TMTC1: variants seen among roughly 807,000 people sequenced by gnomAD.
TMTC1 encodes protein O-mannosyl-transferase TMTC1.
A neutral mutation model predicts 104.8 loss-of-function variants in TMTC1; 73 were observed. The observed-to-expected ratio is 0.70, with a 90% CI of 0.58 to 0.85. TMTC1 has a LOEUF of 0.85. TMTC1 is among the 40% of genes least tolerant of loss of function. The pLI is 0.00. For missense variants in TMTC1, 1,035 were observed against 1,096.1 expected (o/e 0.94, Z 0.79); for synonymous variants, 434 against 428.7 (o/e 1.01, Z -0.15).
At chr12:29,556,013 T>C (rs916360520) in intron 10 of TMTC1, among the ~76,000 whole-genome samples, 1 of 152,088 alleles carries the variant, frequency 6.6e-6, no homozygotes, top group Non-Finnish European at 1.5e-5. Context: ...ATTCTGGTCA[T>C]TTTTACCTTT....
At chr12:29,779,372 G>A (rs1307613102) in intron 1 of TMTC1, among the ~76,000 whole-genome samples, 2 of 152,216 alleles carry the variant, frequency 1.3e-5, no homozygotes, top group Non-Finnish European at 2.9e-5. Flanking sequence ...AAGTGACATA[G>A]TGCAAAGCCA....
At chr12:29,579,726 C>T (rs1387129014) in intron 8 of TMTC1, among the ~76,000 whole-genome samples, 3 of 152,104 alleles carry the variant, frequency 2.0e-5, no homozygotes, top group Non-Finnish European at 2.9e-5. Context: ...GTCACTAGGC[C>T]CAACCAGAGC....
intron 5 of TMTC1, among the ~76,000 whole-genome samples, chr12:29,665,284 A>T (rs1940232690): frequency 6.6e-6 from 1 of 152,238 alleles, no homozygotes; most frequent in Non-Finnish European, 1.5e-5. Flanking sequence ...GGGTATTGGC[A>T]TCAAGGTTAT....
intron 7 of TMTC1, among the ~76,000 whole-genome samples, chr12:29,588,334 T>C (rs751862075): frequency 1.3e-5 from 2 of 152,218 alleles, no homozygotes; most frequent in Non-Finnish European, 2.9e-5. Context: ...GCTTTTTCTA[T>C]AAATCTTATT....
chr12:29,610,235 G>A (rs1346859099), intron 6 of TMTC1, among the ~76,000 whole-genome samples: 2 of 152,212 alleles, frequency 1.3e-5, no homozygotes, highest in Non-Finnish European at 2.9e-5. Flanking sequence ...TGAGCTACTA[G>A]GAGCTGGCTC....
chr12:29,731,665 A>C (rs1942549764), intron 5 of TMTC1, among the ~76,000 whole-genome samples: 1 of 152,192 alleles, frequency 6.6e-6, no homozygotes, highest in Non-Finnish European at 1.5e-5. Context: ...TATATAAAAA[A>C]ATTTACACTT....
chr12:29,666,204 C>A (rs1368616399), intron 5 of TMTC1: 1 of 424,724 alleles, frequency 2.4e-6, no homozygotes, highest in South Asian at 1.7e-5. Flanking sequence ...TACCCCTTTT[C>A]TTTTCTTTCT....
At chr12:29,526,829 T>A (rs1944361628) in intron 11 of TMTC1, among the ~76,000 whole-genome samples, 1 of 152,194 alleles carries the variant, frequency 6.6e-6, no homozygotes, top group East Asian at 1.9e-4. Context: ...AATAATTTAA[T>A]ATAATAACCA....
chr12:29,629,596 T>C (rs886673952), intron 6 of TMTC1, among the ~76,000 whole-genome samples: 3 of 152,156 alleles, frequency 2.0e-5, no homozygotes, highest in African/African-American at 7.2e-5. Context: ...ACACTCCTTT[T>C]ATATTCTATA....
intron 5 of TMTC1, among the ~76,000 whole-genome samples, chr12:29,732,728 T>C (rs1457119837): frequency 6.6e-6 from 1 of 152,192 alleles, no homozygotes; most frequent in African/African-American, 2.4e-5. Context: ...GGTGTCCTTG[T>C]GGCATCATTA....
At chr12:29,547,809 G>A (rs1439151764) in intron 10 of TMTC1, among the ~76,000 whole-genome samples, 1 of 152,226 alleles carries the variant, frequency 6.6e-6, no homozygotes, top group East Asian at 1.9e-4. Flanking sequence ...GAATTTCTTA[G>A]CTGTCCCTAA....
At chr12:29,521,563 T>A (rs1353133545) in intron 11 of TMTC1, among the ~76,000 whole-genome samples, 1 of 76,232 alleles carries the variant, frequency 1.3e-5, no homozygotes, top group Admixed American at 1.2e-4. Context: ...TTTTTCTTTC[T>A]TTCTTTTTTT....
chr12:29,610,264 G>A (rs1272895343), intron 6 of TMTC1, among the ~76,000 whole-genome samples: 1 of 152,132 alleles, frequency 6.6e-6, no homozygotes, highest in Non-Finnish European at 1.5e-5. Context: ...CCCTGGCTTC[G>A]TCCTGTACAT....
intron 11 of TMTC1, among the ~76,000 whole-genome samples, chr12:29,529,588 A>T (rs2136185213): frequency 6.6e-6 from 1 of 152,308 alleles, no homozygotes; most frequent in Admixed American, 6.5e-5. Context: ...CAGATCTTTA[A>T]ACTCATGTCA....
chr12:29,545,297 T>C (rs1456527656), intron 10 of TMTC1, among the ~76,000 whole-genome samples: 2 of 152,190 alleles, frequency 1.3e-5, no homozygotes, highest in Non-Finnish European at 2.9e-5. Context: ...AACCACAGAT[T>C]CTTGCAGCTG....
intron 5 of TMTC1, among the ~76,000 whole-genome samples, chr12:29,643,456 A>ATATATATATATCACATATATG (rs1565732694): frequency 1.4e-4 from 8 of 57,570 alleles, no homozygotes; most frequent in African/African-American, 6.8e-4. Context: ...TCACATATAT[A>ATATATATATATCACATATATG]TGATGGAATA....
At chr12:29,624,704 A>G (rs990195893) in intron 6 of TMTC1, among the ~76,000 whole-genome samples, 1 of 152,104 alleles carries the variant, frequency 6.6e-6, no homozygotes, top group Non-Finnish European at 1.5e-5. Flanking sequence ...GCCAGCCCTG[A>G]CCTCTTCGCA....
intron 11 of TMTC1, among the ~76,000 whole-genome samples, chr12:29,528,394 G>A (rs928142146): frequency 6.6e-6 from 1 of 152,254 alleles, no homozygotes; most frequent in Non-Finnish European, 1.5e-5. Flanking sequence ...ATTGGCCTTC[G>A]AGGGCAGCAG....
At chr12:29,556,818 T>A in intron 10 of TMTC1, 39 bp downstream of exon 10, 1 of 1,612,050 alleles carries the variant, frequency 6.2e-7, no homozygotes, top group Non-Finnish European at 8.5e-7. Flanking sequence ...TTTCTTGGAA[T>A]CGCAAGGCCA....
Sources: allele counts gnomAD v4.1 joint callset (sites outside exome capture counted in the v4.1 genomes callset), GRCh38; gene constraint gnomAD v4.1.1; transcripts MANE v1.5; gene names NCBI Gene and HGNC (gene_info 2026-07-23, HGNC 2026-07-21).